The following PTPRO variants were observed in gnomAD, a reference collection of about 807,000 sequenced individuals.
PTPRO encodes the protein receptor-type tyrosine-protein phosphatase O.
A neutral mutation model predicts 145.2 loss-of-function variants in PTPRO; 62 were observed. That is an observed-to-expected ratio of 0.43 (90% CI 0.35 to 0.53). The LOEUF is 0.53. PTPRO is among the 20% of genes least tolerant of loss of function. PTPRO has a pLI of 0.01. For missense variants in PTPRO, 1,345 were observed against 1,482.7 expected (o/e 0.91, Z 1.53); for synonymous variants, 565 against 514.7 (o/e 1.10, Z -1.32).
At chr12:15,363,728 G>A (rs1938277799) in intron 1 of PTPRO, among the ~76,000 whole-genome samples, 1 of 151,938 alleles carries the variant, frequency 6.6e-6, no homozygotes, top group Non-Finnish European at 1.5e-5. Context: ...ACCTAACCTA[G>A]TTTGATACAA....
At chr12:15,369,647 C>T (rs1242675443) in intron 1 of PTPRO, among the ~76,000 whole-genome samples, 1 of 152,130 alleles carries the variant, frequency 6.6e-6, no homozygotes, top group Non-Finnish European at 1.5e-5. Flanking sequence ...TTTTATGGAA[C>T]TAAAAATGAT....
intron 1 of PTPRO, among the ~76,000 whole-genome samples, chr12:15,434,230 A>T (rs1351090441): frequency 6.6e-6 from 1 of 152,248 alleles, no homozygotes; most frequent in African/African-American, 2.4e-5. Context: ...TTTTTAGTTG[A>T]AAGCAAACAT....
intron 2 of PTPRO, among the ~76,000 whole-genome samples, chr12:15,489,405 C>G (rs1941954252): frequency 1.3e-5 from 2 of 152,152 alleles, no homozygotes; most frequent in South Asian, 4.1e-4. Flanking sequence ...TTATGTTTAT[C>G]TATTGATTAC....
At chr12:15,590,882 T>TGAG (rs1944537044) in intron 25 of PTPRO, among the ~76,000 whole-genome samples, 2 of 152,286 alleles carry the variant, frequency 1.3e-5, no homozygotes, top group Admixed American at 1.3e-4. Flanking sequence ...CACTGTCTGG[T>TGAG]GAGTAAACAG....
intron 1 of PTPRO, among the ~76,000 whole-genome samples, chr12:15,406,824 A>G (rs1939660238): frequency 6.6e-6 from 1 of 152,238 alleles, no homozygotes; most frequent in South Asian, 2.1e-4. Flanking sequence ...CATTTTACAT[A>G]ACAAGATAAA....
intron 1 of PTPRO, among the ~76,000 whole-genome samples, chr12:15,444,915 G>A (rs1447855081): frequency 6.6e-6 from 1 of 152,024 alleles, no homozygotes; most frequent in East Asian, 1.9e-4. Flanking sequence ...TTATTCCACA[G>A]ACCAGTCTTT....
intron 19 of PTPRO, 26 bp downstream of exon 19, chr12:15,569,524 C>A: frequency 6.4e-7 from 1 of 1,573,074 alleles, no homozygotes; most frequent in Non-Finnish European, 8.7e-7. Context: ...CATTTTCTAC[C>A]TTCTGTAATG....
At chr12:15,510,630 A>T (rs1291833338) in intron 7 of PTPRO, among the ~76,000 whole-genome samples, 1 of 152,216 alleles carries the variant, frequency 6.6e-6, no homozygotes, top group East Asian at 1.9e-4. Flanking sequence ...CCTATTCAGG[A>T]TTATAAGCAA....
chr12:15,407,531 A>G (rs1032745570), intron 1 of PTPRO, among the ~76,000 whole-genome samples: 1 of 152,222 alleles, frequency 6.6e-6, no homozygotes, highest in Admixed American at 6.5e-5. Context: ...GTACTTTACC[A>G]TCTACTTGGA....
chr12:15,366,931 A>G (rs1351302219), intron 1 of PTPRO, among the ~76,000 whole-genome samples: 1 of 152,204 alleles, frequency 6.6e-6, no homozygotes, highest in Admixed American at 6.5e-5. Context: ...ATTAAAAAAT[A>G]CAGGTACTCA....
At chr12:15,503,091 C>T (rs1298193439) in intron 5 of PTPRO, among the ~76,000 whole-genome samples, 4 of 152,016 alleles carry the variant, frequency 2.6e-5, no homozygotes, top group Admixed American at 6.6e-5. Context: ...AGTCATTTTC[C>T]TGGAATTTCC....
intron 7 of PTPRO, among the ~76,000 whole-genome samples, chr12:15,511,342 A>G (rs1001117587): frequency 9.2e-5 from 14 of 152,234 alleles, no homozygotes; most frequent in African/African-American, 3.4e-4. Context: ...ATGGAGAAAC[A>G]TAGAAGTGTA....
At chr12:15,355,342 G>A (rs546867237) in intron 1 of PTPRO, among the ~76,000 whole-genome samples, 2 of 152,298 alleles carry the variant, frequency 1.3e-5, no homozygotes, top group African/African-American at 4.8e-5. Context: ...ACTAGAGCAT[G>A]GGTGTCCTCT....
chr12:15,561,985 A>T (rs1343945647), intron 17 of PTPRO, among the ~76,000 whole-genome samples: 1 of 152,152 alleles, frequency 6.6e-6, no homozygotes, highest in African/African-American at 2.4e-5. Context: ...ATACCAATCA[A>T]ATAGCACGAG....
intron 1 of PTPRO, among the ~76,000 whole-genome samples, chr12:15,451,302 T>C (rs943863881): frequency 1.3e-5 from 2 of 152,030 alleles, no homozygotes; most frequent in Non-Finnish European, 2.9e-5. Flanking sequence ...TATATACATA[T>C]ATATATATAT....
chr12:15,400,357 C>A (rs1047923639), intron 1 of PTPRO, among the ~76,000 whole-genome samples: 1 of 152,114 alleles, frequency 6.6e-6, no homozygotes, highest in African/African-American at 2.4e-5. Context: ...GTGATGAAAC[C>A]CCCAGCAGCC....
intron 1 of PTPRO, among the ~76,000 whole-genome samples, chr12:15,436,792 G>A (rs1011268559): frequency 3.3e-5 from 5 of 152,230 alleles, no homozygotes; most frequent in African/African-American, 1.2e-4. Flanking sequence ...CTGGAGTGGG[G>A]TGGGGGCCTC....
At chr12:15,559,582 C>T (rs145410696) in intron 16 of PTPRO, among the ~76,000 whole-genome samples, 232 of 152,220 alleles carry the variant, frequency 1.5e-3, no homozygotes, top group African/African-American at 5.3e-3. Flanking sequence ...TGATGAGCTA[C>T]TTATCTTGAA....
intron 2 of PTPRO, among the ~76,000 whole-genome samples, chr12:15,488,897 G>T (rs7132018): frequency 5.9e-5 from 9 of 152,058 alleles, no homozygotes; most frequent in Non-Finnish European, 8.8e-5. Context: ...CACGTAAAAG[G>T]ATGCCTGGAA....
Sources: allele counts gnomAD v4.1 joint callset (sites outside exome capture counted in the v4.1 genomes callset), GRCh38; gene constraint gnomAD v4.1.1; transcripts MANE v1.5; gene names NCBI Gene and HGNC (gene_info 2026-07-23, HGNC 2026-07-21).